Variants in MGAT4C observed in about 807,000 individuals in gnomAD.
MGAT4C encodes MGAT4 family member C.
MGAT4C carries 19 observed loss-of-function variants against 40.1 expected under a neutral mutation model. That is an observed-to-expected ratio of 0.47 (90% CI 0.33 to 0.70). The LOEUF is 0.70. Ranked by LOEUF, MGAT4C falls within the 30% of genes least tolerant of loss-of-function variation. The pLI, the probability that MGAT4C is intolerant of heterozygous loss-of-function variation, is 0.02. For synonymous variants in MGAT4C, 181 were observed against 187.1 expected, an observed-to-expected ratio of 0.97 and a Z score of 0.27; for missense variants, 491 against 563.2, an observed-to-expected ratio of 0.87 and a Z score of 1.30.
At chr12:86,109,325 A>G (rs1438094235) in intron 1 of MGAT4C, among the ~76,000 whole-genome samples, 3 of 152,140 alleles carry the variant, frequency 2.0e-5, no homozygotes, top group African/African-American at 4.8e-5. Flanking sequence ...TTGTAAATTA[A>G]TATAGTCTTT....
At chr12:86,080,608 C>T (rs1476645260) in intron 1 of MGAT4C, among the ~76,000 whole-genome samples, 1 of 152,150 alleles carries the variant, frequency 6.6e-6, no homozygotes, top group Non-Finnish European at 1.5e-5. Context: ...CATGCACACG[C>T]ACCCACACAC....
chr12:86,165,227 T>C (rs562208278), intron 1 of MGAT4C, among the ~76,000 whole-genome samples: 6 of 152,222 alleles, frequency 3.9e-5, no homozygotes, highest in Middle Eastern at 3.5e-3. Flanking sequence ...ACTAAATACA[T>C]ATATAAAATA....
chr12:86,072,627 T>G (rs1161112973), intron 1 of MGAT4C, among the ~76,000 whole-genome samples: 1 of 152,026 alleles, frequency 6.6e-6, no homozygotes, highest in Non-Finnish European at 1.5e-5. Flanking sequence ...GATAGATGGA[T>G]AGATGGATTG....
At chr12:86,379,073 C>T (rs1955882353) in intron 3 of MGAT4C, among the ~76,000 whole-genome samples, 14 of 152,066 alleles carry the variant, frequency 9.2e-5, no homozygotes, top group Admixed American at 8.5e-4. Flanking sequence ...ATTAAAAATA[C>T]AATTGAACAA....
intron 1 of MGAT4C, among the ~76,000 whole-genome samples, chr12:86,207,399 C>T (rs1950299016): frequency 1.3e-5 from 2 of 151,682 alleles, no homozygotes; most frequent in African/African-American, 4.8e-5. Flanking sequence ...GGTTTTAAGC[C>T]CTGCATGCAT....
At chr12:86,570,309 A>ATTCG (rs139597414) in intron 2 of MGAT4C, among the ~76,000 whole-genome samples, 2 of 151,558 alleles carry the variant, frequency 1.3e-5, no homozygotes, top group Admixed American at 6.6e-5. Context: ...AATATATAAT[A>ATTCG]TTTGTCAATT....
chr12:86,498,472 CTA>C (rs1282971547), intron 2 of MGAT4C, among the ~76,000 whole-genome samples: 2 of 151,790 alleles, frequency 1.3e-5, no homozygotes, highest in Non-Finnish European at 2.9e-5. Flanking sequence ...TAAGATTAGT[CTA>C]TTTTATCATT....
intron 1 of MGAT4C, among the ~76,000 whole-genome samples, chr12:86,796,143 G>GT (rs34706902): frequency 0.018 from 2,620 of 143,370 alleles, 24 homozygotes; most frequent in African/African-American, 0.031. Context: ...TCTGTGACTT[G>GT]TTTTTTTTTT....
chr12:86,400,924 A>C (rs750230646), intron 3 of MGAT4C, among the ~76,000 whole-genome samples: 8 of 152,180 alleles, frequency 5.3e-5, no homozygotes, highest in African/African-American at 1.9e-4. Flanking sequence ...GTGAGTATCT[A>C]GCATATGTGT....
intron 1 of MGAT4C, among the ~76,000 whole-genome samples, chr12:86,801,552 A>T (rs1377274223): frequency 2.0e-5 from 3 of 151,780 alleles, no homozygotes; most frequent in Non-Finnish European, 4.4e-5. Flanking sequence ...TACAAGGCAG[A>T]TGATAGTATT....
intron 1 of MGAT4C, among the ~76,000 whole-genome samples, chr12:86,766,752 C>G (rs1951517250): frequency 6.6e-6 from 1 of 152,116 alleles, no homozygotes; most frequent in East Asian, 1.9e-4. Context: ...ACTGAACAAC[C>G]TGCTCCTGAA....
intron 2 of MGAT4C, among the ~76,000 whole-genome samples, chr12:86,679,283 T>G (rs930648684): frequency 6.6e-6 from 1 of 152,158 alleles, no homozygotes; most frequent in African/African-American, 2.4e-5. Flanking sequence ...GTTTGTTTTT[T>G]TCTTGTAAAT....
intron 1 of MGAT4C, among the ~76,000 whole-genome samples, chr12:86,137,100 C>T (rs1593041140): frequency 6.6e-6 from 1 of 152,152 alleles, no homozygotes; most frequent in Non-Finnish European, 1.5e-5. Flanking sequence ...TGTCAGGATA[C>T]CAGAATGTCC....
rs1183146914 is a variant in MGAT4C, at chr12:85,973,824, C to A, written c.*5465G>T. On this transcript the variant is annotated 3_prime_UTR_variant, in exon 5 of 5. Transcript: ENST00000611864. ...ATCAAAAACTGCTTTGGTCTCAAAT[C>A]CATGTTTTTCAGAAAAGATATTCAG... The A allele has an allele frequency of 6.6e-6, 1 of 150,806 alleles. No homozygotes were observed. The highest frequency in any genetic ancestry group is 1.5e-5 in the Non-Finnish European group (1 of 67,072). The allele number at this position is 150,806 out of a possible 1,614,324, so 9.3% of individuals were successfully genotyped here.
At chr12:86,425,252 C>T (rs1956903857) in intron 3 of MGAT4C, among the ~76,000 whole-genome samples, 2 of 152,130 alleles carry the variant, frequency 1.3e-5, no homozygotes, top group African/African-American at 4.8e-5. Context: ...ATTTTCAAAA[C>T]TGTTTAGTAG....
intron 1 of MGAT4C, among the ~76,000 whole-genome samples, chr12:86,785,958 G>T (rs1412876148): frequency 6.6e-6 from 1 of 151,904 alleles, no homozygotes; most frequent in Non-Finnish European, 1.5e-5. Context: ...CATTCTTCTT[G>T]GGTCGTTAAG....
Position 86,290,110 on chromosome 12 carries a change from G to A in MGAT4C, c.-57+43955C>T, listed in dbSNP as rs150166746. ...CACCCATGCTGGAGTGTAGTGGTGC[G>A]ATCTCTGCTCACGGCAACCTCTGCC... On this transcript the variant is annotated intron_variant, in intron 4 of 7. Coordinates refer to the MGAT4C transcript ENST00000548651. 5.9e-3 allele frequency among the ~76,000 whole-genome samples: 900 copies of A among 151,798 alleles called. 4 individuals are homozygous for A. Among genetic ancestry groups the A allele is most frequent in the Middle Eastern group, 0.01 (3 of 294 alleles).
chr12:86,277,829 G>T (rs987560059), intron 4 of MGAT4C, among the ~76,000 whole-genome samples: 1 of 152,138 alleles, frequency 6.6e-6, no homozygotes, highest in Non-Finnish European at 1.5e-5. Context: ...CAGGTAATAT[G>T]ATTCCTCCAA....
At chr12:86,296,200 C>G (rs1262077123) in intron 4 of MGAT4C, among the ~76,000 whole-genome samples, 1 of 151,716 alleles carries the variant, frequency 6.6e-6, no homozygotes, top group Non-Finnish European at 1.5e-5. Flanking sequence ...CCCACCAGAG[C>G]AGCTAGATAC....
Sources: gnomAD v4.1 joint callset for allele counts (sites outside exome capture counted in the v4.1 genomes callset) on GRCh38, gnomAD v4.1.1 for gene constraint, MANE v1.5 for transcripts, NCBI Gene and HGNC (gene_info 2026-07-23, HGNC 2026-07-21) for gene names.